The following OPCML variants were observed in gnomAD, a reference collection of about 807,000 sequenced individuals.
OPCML encodes opioid-binding protein/cell adhesion molecule.
A neutral mutation model predicts 37.8 loss-of-function variants in OPCML; 13 were observed. That is an observed-to-expected ratio of 0.34 (90% CI 0.22 to 0.55). OPCML has a LOEUF of 0.55. Ranked by LOEUF, OPCML falls within the 20% of genes least tolerant of loss-of-function variation. The pLI, the probability that OPCML is intolerant of heterozygous loss-of-function variation, is 0.91. For missense variants in OPCML, 341 were observed against 435.6 expected, an observed-to-expected ratio of 0.78 and a Z score of 1.93; for synonymous variants, 176 against 168.8, an observed-to-expected ratio of 1.04 and a Z score of -0.33.
intron 2 of OPCML, among the ~76,000 whole-genome samples, chr11:132,774,623 C>A (rs1233214155): frequency 6.6e-6 from 1 of 152,186 alleles, no homozygotes; most frequent in Non-Finnish European, 1.5e-5. Context: ...AAAATTTTAG[C>A]TGCCTGAAGG....
chr11:132,988,482 G>A (rs1289094299), intron 1 of OPCML, among the ~76,000 whole-genome samples: 2 of 152,194 alleles, frequency 1.3e-5, no homozygotes, highest in Non-Finnish European at 2.9e-5. Flanking sequence ...CACTTTCTGA[G>A]AAGATAGTAA....
chr11:132,695,336 T>A (rs1301600405), intron 2 of OPCML, among the ~76,000 whole-genome samples: 2 of 152,100 alleles, frequency 1.3e-5, no homozygotes, highest in Non-Finnish European at 2.9e-5. Context: ...GGAAAGGCAG[T>A]GATGGTATGG....
intron 1 of OPCML, among the ~76,000 whole-genome samples, chr11:133,225,217 G>C (rs920143037): frequency 2.6e-5 from 4 of 152,182 alleles, no homozygotes; most frequent in African/African-American, 9.7e-5. Flanking sequence ...TTGGTGCCAA[G>C]GTCAGGTCAC....
At position 132,524,060 on chromosome 11, in the gene OPCML, G is replaced by A. The variant is rs557719188; in HGVS notation, c.505+5001C>T. 1.1e-4 allele frequency among the ~76,000 whole-genome samples: 17 copies of A among 152,294 alleles called. No homozygotes were observed. The South Asian group carries it at 3.5e-3, about 32-fold the overall frequency. ...GTCATGGCAATGGAGCCAGGTGTGTGAGGCATCGCAGTGGACGACTATGGC... is the reference window on the plus strand; with the variant it reads ...GTCATGGCAATGGAGCCAGGTGTGTAAGGCATCGCAGTGGACGACTATGGC... On this transcript the variant is annotated intron_variant, in intron 4 of 7. Transcript: ENST00000524381.
At chr11:132,889,290 G>C (rs1182022324) in intron 2 of OPCML, among the ~76,000 whole-genome samples, 1 of 152,166 alleles carries the variant, frequency 6.6e-6, no homozygotes, top group Non-Finnish European at 1.5e-5. Context: ...CTCCTACCAA[G>C]CACGGGCAAG....
chr11:133,528,386 T>C (rs1283155439), intron 1 of OPCML, among the ~76,000 whole-genome samples: 1 of 152,216 alleles, frequency 6.6e-6, no homozygotes, highest in East Asian at 1.9e-4. Flanking sequence ...GACCAGATGC[T>C]CTGTCCTTGT....
In OPCML at chr11:132,420,179, C is replaced by T. The variant is rs2095952882; in HGVS notation, c.*14G>A. 1 of 1,612,686 alleles carries T rather than the reference C, an allele frequency of 6.2e-7. No individual in the cohort carries two copies. Among genetic ancestry groups the T allele is most frequent in the Non-Finnish European group, 8.5e-7 (1 of 1,178,932 alleles). On this transcript the variant is annotated 3_prime_UTR_variant, in exon 8 of 8. Coordinates refer to ENST00000524381, the MANE Select transcript of OPCML (RefSeq NM_001012393.5). The stretch of plus-strand genomic sequence containing the variant: ...GGAGAAGCAGGCGTTGCTCAGAGGA[C>T]CTAGGATTTCTTATCAAAACTTGAT...
intron 1 of OPCML, chr11:133,009,117 A>G: frequency 1.0e-6 from 1 of 985,398 alleles, no homozygotes; most frequent in Non-Finnish European, 1.2e-6. Flanking sequence ...CTTTAATTCT[A>G]TTTAACAGAG....
At chr11:132,589,935 T>A (rs957462114) in intron 3 of OPCML, among the ~76,000 whole-genome samples, 1 of 152,214 alleles carries the variant, frequency 6.6e-6, no homozygotes, top group Admixed American at 6.5e-5. Context: ...CTTCTGCATG[T>A]TTTTAAACAA....
intron 1 of OPCML, among the ~76,000 whole-genome samples, chr11:132,955,234 G>A (rs1945952600): frequency 6.6e-6 from 1 of 152,026 alleles, no homozygotes; most frequent in African/African-American, 2.4e-5. Flanking sequence ...TTTTTAATGT[G>A]TCTGAAGGTG....
intron 2 of OPCML, among the ~76,000 whole-genome samples, chr11:132,666,673 A>G (rs1392586999): frequency 6.6e-6 from 1 of 152,252 alleles, no homozygotes; most frequent in African/African-American, 2.4e-5. Context: ...AAAACTAGGT[A>G]CAAGTATTGG....
chr11:132,813,452 C>T (rs952668287), intron 2 of OPCML, among the ~76,000 whole-genome samples: 24 of 152,126 alleles, frequency 1.6e-4, no homozygotes, highest in African/African-American at 5.3e-4. Context: ...GCACCATAAC[C>T]GTCATTTTAC....
At chr11:132,674,348 C>G (rs189969188) in intron 2 of OPCML, among the ~76,000 whole-genome samples, 220 of 152,292 alleles carry the variant, frequency 1.4e-3, no homozygotes, top group African/African-American at 4.8e-3. Context: ...GCATTTAAAT[C>G]TGCAGGAAGC....
chr11:132,850,524 T>A (rs903952953), intron 2 of OPCML, among the ~76,000 whole-genome samples: 10 of 151,402 alleles, frequency 6.6e-5, no homozygotes, highest in East Asian at 1.9e-4. Context: ...AGGGTGTGTG[T>A]GTGTGTGTGT....
At chr11:133,413,834 C>T (rs1023572696) in intron 1 of OPCML, among the ~76,000 whole-genome samples, 8 of 152,160 alleles carry the variant, frequency 5.3e-5, no homozygotes, top group African/African-American at 1.9e-4. Context: ...GATAAAGTTC[C>T]TTGCACCCAG....
intron 3 of OPCML, 102 bp from the exon 4 acceptor site, chr11:132,529,288 T>A: frequency 2.1e-6 from 3 of 1,399,828 alleles, no homozygotes; most frequent in Non-Finnish European, 9.5e-7. Context: ...TTATAATAAA[T>A]ATTGTTTGCA....
intron 3 of OPCML, among the ~76,000 whole-genome samples, chr11:132,579,799 G>A (rs572567602): frequency 1.1e-4 from 16 of 152,120 alleles, no homozygotes; most frequent in Admixed American, 3.9e-4. Flanking sequence ...AGTAAATTTC[G>A]CAGCAACTTG....
rs2136490070 is a variant in OPCML, at chr11:133,274,543, G to A, written c.61+257721C>T. On this transcript the variant is annotated intron_variant, in intron 1 of 7. Transcript: ENST00000524381. ...TCTGAGGCAGCATGGCCCTGCCAGT[G>A]CCCTGGTTTTGAACCTACAGCCTCT... Among the ~76,000 whole-genome samples, 3 of 152,310 alleles carry A rather than the reference G, an allele frequency of 2.0e-5. No individual in the cohort carries two copies. The East Asian group carries it at 5.8e-4, about 29-fold the overall frequency.
intron 1 of OPCML, among the ~76,000 whole-genome samples, chr11:133,165,761 G>T (rs1160303658): frequency 1.3e-5 from 2 of 152,120 alleles, no homozygotes; most frequent in African/African-American, 4.8e-5. Flanking sequence ...CCAGGCTCTT[G>T]ATTACTGGTC....
Sources: allele counts gnomAD v4.1 joint callset (sites outside exome capture counted in the v4.1 genomes callset), GRCh38; gene constraint gnomAD v4.1.1; transcripts MANE v1.5; gene names NCBI Gene and HGNC (gene_info 2026-07-23, HGNC 2026-07-21).